The following TBL1Y variants were observed in gnomAD, a reference collection of about 807,000 sequenced individuals.
TBL1Y encodes the protein transducin beta like 1 Y-linked, also known as F-box-like/WD repeat-containing protein TBL1Y.
A neutral mutation model predicts 12.0 loss-of-function variants in TBL1Y; 15 were observed. The observed-to-expected ratio is 1.25, with a 90% confidence interval of 0.83 to 1.92. The LOEUF (loss-of-function observed/expected upper bound fraction) is 1.92. TBL1Y is among the 40% of genes most tolerant of loss of function. The pLI is 0.00. For missense variants in TBL1Y, 148 were observed against 116.7 expected (o/e 1.27, Z -1.24); for synonymous variants, 53 against 42.6 (o/e 1.24, Z -0.95).
chrY:6,984,304 C>T (rs2012303232), intron 3 of TBL1Y, among the ~76,000 whole-genome samples: 2 of 33,214 alleles, frequency 6.0e-5, no homozygotes, highest in East Asian at 8.1e-4. Context: ...TGCTTCTTCA[C>T]GGGTCCCTAT....
intron 2 of TBL1Y, chrY:6,918,736 A>G: frequency 3.1e-5 from 1 of 32,455 alleles, no homozygotes; most frequent in Non-Finnish European, 7.5e-5. Context: ...ATAGAATTAT[A>G]ATGCTTGGAG....
rs746335099 is a variant in TBL1Y, at chrY:7,043,981, C to A, written c.204+856C>A. On this transcript the variant is annotated intron_variant, in intron 7 of 18. Transcript: ENST00000383032. The stretch of plus-strand genomic sequence containing the variant: ...GGGGTGGGAGGATGGAATCATAAAC[C>A]CACATTAAAATTTTGCACTTGGCTG... 9.1e-5 allele frequency among the ~76,000 whole-genome samples: 3 copies of A among 33,094 alleles called. No individual in the cohort carries two copies. The South Asian group carries it at 2.1e-3, about 23-fold the overall frequency. The allele number at this position is 33,094 out of a possible 37,273, so 88.8% of individuals were successfully genotyped here.
chrY:7,062,858 C>G (rs1603046351), intron 7 of TBL1Y, among the ~76,000 whole-genome samples: 1 of 33,659 alleles, frequency 3.0e-5, no homozygotes. Context: ...CCGCCCCCGA[C>G]CAAGGGGTAC....
chrY:6,910,733 A>G lies in TBL1Y; in HGVS notation c.-600A>G. 3.4e-5 allele frequency: 2 copies of G among 59,209 alleles called. No individual in the cohort carries two copies. The highest frequency in any genetic ancestry group is 6.9e-5 in the Non-Finnish European group (2 of 29,174). 14.8% of individuals were successfully genotyped at this position (59,209 alleles called of 400,897 possible). On this transcript the variant is annotated 5_prime_UTR_variant, in exon 1 of 19. Transcript: ENST00000383032. ...GGGAGTGAGGAGCCGCCAACACCCC[A>G]GCTCCGCTGCTGCCGCCACCGCAGT...
intron 2 of TBL1Y, among the ~76,000 whole-genome samples, chrY:6,923,307 T>A: frequency 3.0e-5 from 1 of 33,103 alleles, no homozygotes; most frequent in Non-Finnish European, 7.4e-5. Flanking sequence ...CCTCACGTGA[T>A]CTGCCTGCCT....
intron 4 of TBL1Y, among the ~76,000 whole-genome samples, chrY:7,010,601 G>A (rs2012513396): frequency 2.9e-5 from 1 of 34,070 alleles, no homozygotes; most frequent in African/African-American, 1.1e-4. Context: ...GAGTACAGAT[G>A]AGGCATAACC....
intron 2 of TBL1Y, among the ~76,000 whole-genome samples, chrY:6,929,888 A>G (rs2011853808): frequency 3.0e-5 from 1 of 33,550 alleles, no homozygotes; most frequent in Non-Finnish European, 7.4e-5. Flanking sequence ...ATCTCGTTTC[A>G]TGCACCTGTC....
At chrY:7,062,767 C>G in intron 7 of TBL1Y, among the ~76,000 whole-genome samples, 1 of 33,528 alleles carries the variant, frequency 3.0e-5, no homozygotes, top group Non-Finnish European at 7.4e-5. Flanking sequence ...CTGGAAATTT[C>G]TTGCCTTTTC....
intron 8 of TBL1Y, among the ~76,000 whole-genome samples, chrY:7,065,210 T>C: frequency 3.0e-5 from 1 of 33,325 alleles, no homozygotes; most frequent in Non-Finnish European, 7.4e-5. Flanking sequence ...GGACCAGGTG[T>C]AGATAATTGA....
At chrY:6,990,610 G>A (rs758445945) in intron 3 of TBL1Y, among the ~76,000 whole-genome samples, 8 of 21,326 alleles carry the variant, frequency 3.8e-4, no homozygotes, top group Admixed American at 1.5e-3. Flanking sequence ...CCAGGCTGGA[G>A]TGCAGTGGCG....
intron 4 of TBL1Y, among the ~76,000 whole-genome samples, chrY:6,999,495 G>A: frequency 3.1e-5 from 1 of 32,563 alleles, no homozygotes; most frequent in East Asian, 8.2e-4. Context: ...TTAGATGGCA[G>A]CCCCACTTCC....
chrY:6,978,441 G>A (rs187409543), intron 3 of TBL1Y, among the ~76,000 whole-genome samples, 198 bp downstream of exon 3: 33 of 34,300 alleles, frequency 9.6e-4, no homozygotes, highest in African/African-American at 3.3e-3. Context: ...CATAACTACA[G>A]TGAATAAATA....
At chrY:7,090,237 G>A in intron 18 of TBL1Y, 47 bp downstream of exon 18, 1 of 329,574 alleles carries the variant, frequency 3.0e-6, no homozygotes, top group Non-Finnish European at 4.5e-6. Flanking sequence ...TTGGGGGAGG[G>A]GGATAAGTGA....
At chrY:6,960,650 G>A in intron 2 of TBL1Y, among the ~76,000 whole-genome samples, 1 of 33,378 alleles carries the variant, frequency 3.0e-5, no homozygotes, top group Non-Finnish European at 7.4e-5. Flanking sequence ...TGGCCCATAC[G>A]GTCATAATAT....
chrY:7,060,231 C>G (rs2012851883), intron 7 of TBL1Y, among the ~76,000 whole-genome samples: 6 of 33,546 alleles, frequency 1.8e-4, no homozygotes, highest in Non-Finnish European at 7.4e-5. Context: ...GTATATTTTA[C>G]TTTCCTTATA....
At chrY:6,921,266 A>C in intron 2 of TBL1Y, among the ~76,000 whole-genome samples, 2 of 32,587 alleles carry the variant, frequency 6.1e-5, no homozygotes, top group Non-Finnish European at 1.5e-4. Context: ...CAAGTAGATA[A>C]CTTCAATGAG....
intron 7 of TBL1Y, among the ~76,000 whole-genome samples, chrY:7,063,553 C>CGGAATGAGTCAGGATGGAGTAGGTAATT: frequency 6.2e-5 from 2 of 32,210 alleles, no homozygotes; most frequent in Non-Finnish European, 1.5e-4. Flanking sequence ...AGTAGGTAAT[C>CGGAATGAGTCAGGATGGAGTAGGTAATT]GGAATGAGTC....
At chrY:6,940,150 T>C in intron 2 of TBL1Y, among the ~76,000 whole-genome samples, 1 of 25,344 alleles carries the variant, frequency 3.9e-5, no homozygotes, top group Non-Finnish European at 9.0e-5. Flanking sequence ...TAGGCCCACC[T>C]ATTCATGAGG....
At chrY:6,928,484 A>G in intron 2 of TBL1Y, among the ~76,000 whole-genome samples, 1 of 33,277 alleles carries the variant, frequency 3.0e-5, no homozygotes, top group Non-Finnish European at 7.4e-5. Flanking sequence ...GGCTTGTGCT[A>G]CTGGCCTGGA....
Sources: gnomAD v4.1 joint callset for allele counts (sites outside exome capture counted in the v4.1 genomes callset) on GRCh38, gnomAD v4.1.1 for gene constraint, MANE v1.5 for transcripts, NCBI Gene and HGNC (gene_info 2026-07-23, HGNC 2026-07-21) for gene names.